The following PDE8B variants were observed in gnomAD, a reference collection of about 807,000 sequenced individuals.
PDE8B encodes the protein phosphodiesterase 8B.
In PDE8B, 26 loss-of-function variants were observed where a neutral mutation model predicts 101.3. The observed-to-expected ratio is 0.26, with a 90% confidence interval of 0.19 to 0.36. The LOEUF (loss-of-function observed/expected upper bound fraction) is 0.36, where lower values mean the gene tolerates loss of function less well. Ranked by LOEUF, PDE8B falls within the 10% of genes least tolerant of loss-of-function variation. The pLI, the probability that PDE8B is intolerant of heterozygous loss-of-function variation, is 1.00. For missense variants in PDE8B, 810 were observed against 1,163.1 expected (o/e 0.70, Z 4.42); for synonymous variants, 424 against 429.3 (o/e 0.99, Z 0.15).
intron 18 of PDE8B, among the ~76,000 whole-genome samples, chr5:77,419,253 G>A (rs1796156598): frequency 6.6e-6 from 1 of 152,158 alleles, no homozygotes; most frequent in Admixed American, 6.5e-5. Context: ...TGGTTAATTT[G>A]GGGCAGGGTT....
At chr5:77,250,662 A>G (rs746018084) in intron 1 of PDE8B, among the ~76,000 whole-genome samples, 12 of 152,146 alleles carry the variant, frequency 7.9e-5, no homozygotes, top group Non-Finnish European at 1.2e-4. Context: ...GTCCACAATC[A>G]GGGTGAGGTG....
the PDE8B span, chr5:77,146,155 T>C: frequency 6.6e-6 from 1 of 152,246 alleles, no homozygotes; most frequent in African/African-American, 2.4e-5. Context: ...AGGAGCCTCA[T>C]GCATACCTGG....
At chr5:77,185,316 T>C in the PDE8B span, among the ~76,000 whole-genome samples, 2 of 152,298 alleles carry the variant, frequency 1.3e-5, no homozygotes, top group South Asian at 4.2e-4. Flanking sequence ...CTCAGAACTA[T>C]AAGGTATCAG....
chr5:77,252,466 A>G (rs939825056), intron 1 of PDE8B, among the ~76,000 whole-genome samples: 2 of 152,120 alleles, frequency 1.3e-5, no homozygotes, highest in Admixed American at 1.3e-4. Flanking sequence ...TTTTAAGAGG[A>G]TGTTTTAAAC....
chr5:77,220,326 C>T (rs1750832020), intron 1 of PDE8B, among the ~76,000 whole-genome samples: 2 of 152,174 alleles, frequency 1.3e-5, no homozygotes, highest in African/African-American at 2.4e-5. Context: ...GGAGTGTGAT[C>T]CACTTAGCCT....
intron 1 of PDE8B, among the ~76,000 whole-genome samples, chr5:77,230,289 ATTGGTATTCC>A (rs574044368): frequency 4.6e-5 from 7 of 152,146 alleles, no homozygotes; most frequent in Non-Finnish European, 1.0e-4. Flanking sequence ...GAAAAACTAT[ATTGGTATTCC>A]TTGTCAATTT....
At chr5:77,397,741 A>C (rs1375025739) in intron 10 of PDE8B, among the ~76,000 whole-genome samples, 1 of 152,218 alleles carries the variant, frequency 6.6e-6, no homozygotes. Flanking sequence ...CCTAAACCAC[A>C]CAATTCTTAT....
the PDE8B span, among the ~76,000 whole-genome samples, chr5:77,187,475 GAA>G: frequency 6.7e-6 from 1 of 149,736 alleles, no homozygotes; most frequent in African/African-American, 2.4e-5. Context: ...ATCTATAGAT[GAA>G]AAAAAAAATC....
At chr5:77,179,176 A>G in the PDE8B span, among the ~76,000 whole-genome samples, 1 of 152,280 alleles carries the variant, frequency 6.6e-6, no homozygotes, top group Non-Finnish European at 1.5e-5. Context: ...AACGTGGCGA[A>G]GGCCATATTC....
the PDE8B span, among the ~76,000 whole-genome samples, chr5:77,163,818 G>A: frequency 6.6e-6 from 1 of 152,236 alleles, no homozygotes; most frequent in Non-Finnish European, 1.5e-5. Context: ...TTGATGGTAT[G>A]TAGAGTCACA....
At chr5:77,158,806 A>G in the PDE8B span, among the ~76,000 whole-genome samples, 1 of 152,118 alleles carries the variant, frequency 6.6e-6, no homozygotes, top group Admixed American at 6.5e-5. Context: ...GACAGATCCC[A>G]CTACACCTGA....
At position 77,291,430 on chromosome 5, in the gene PDE8B, G is replaced by T. The variant is rs565659320; in HGVS notation, c.340-20564G>T. ...TATGTAGAACCGACAATTGTGACAG[G>T]TCTTGCCCACGATGCATCCATTGCA... On this transcript the variant is annotated intron_variant, in intron 1 of 21. Transcript: ENST00000264917. 11 of 1,611,560 alleles carry T rather than the reference G, an allele frequency of 6.8e-6. No individual in the cohort carries two copies. In the East Asian group the frequency reaches 2.5e-4, roughly 36 times the overall value.
At chr5:77,353,140 T>C (rs1274571216) in intron 9 of PDE8B, among the ~76,000 whole-genome samples, 1 of 152,146 alleles carries the variant, frequency 6.6e-6, no homozygotes, top group African/African-American at 2.4e-5. Context: ...CCCTCTAGGA[T>C]GTATAAAGGA....
At chr5:77,202,620 T>C in the PDE8B span, among the ~76,000 whole-genome samples, 2 of 151,956 alleles carry the variant, frequency 1.3e-5, no homozygotes, top group East Asian at 1.9e-4. Flanking sequence ...TTCTGGTCAA[T>C]AGTAGGTTAT....
At chr5:77,317,554 C>T (rs546521094) in intron 2 of PDE8B, among the ~76,000 whole-genome samples, 1 of 152,316 alleles carries the variant, frequency 6.6e-6, no homozygotes, top group Non-Finnish European at 1.5e-5. Flanking sequence ...CACGTCTCTC[C>T]TGGGTGAGTT....
At chr5:77,345,751 C>T (rs573073288) in intron 7 of PDE8B, among the ~76,000 whole-genome samples, 33 of 152,300 alleles carry the variant, frequency 2.2e-4, no homozygotes, top group East Asian at 1.5e-3. Flanking sequence ...AGACTTTCCA[C>T]GAATTGGTGC....
intron 1 of PDE8B, among the ~76,000 whole-genome samples, chr5:77,214,358 A>G (rs1239124629): frequency 6.6e-6 from 1 of 152,248 alleles, no homozygotes; most frequent in Non-Finnish European, 1.5e-5. Flanking sequence ...TAGTTTCCAG[A>G]TGGCAGCATC....
the PDE8B span, chr5:77,147,151 T>A: frequency 5.4e-5 from 19 of 349,844 alleles, no homozygotes; most frequent in Non-Finnish European, 2.3e-5. Context: ...ATGATGATGA[T>A]GATGATAATG....
At chr5:77,229,851 A>G (rs1753188887) in intron 1 of PDE8B, among the ~76,000 whole-genome samples, 1 of 152,208 alleles carries the variant, frequency 6.6e-6, no homozygotes, top group South Asian at 2.1e-4. Flanking sequence ...ATTGACGGAC[A>G]TTGGGTTGTT....
Sources: gnomAD v4.1 joint callset for allele counts (sites outside exome capture counted in the v4.1 genomes callset) on GRCh38, gnomAD v4.1.1 for gene constraint, MANE v1.5 for transcripts, NCBI Gene and HGNC (gene_info 2026-07-23, HGNC 2026-07-21) for gene names.